Variants in CTNNA3 observed in about 807,000 individuals in gnomAD.
CTNNA3 encodes the protein catenin alpha 3.
A neutral mutation model predicts 95.7 loss-of-function variants in CTNNA3; 76 were observed. The ratio of observed to expected loss-of-function variants is 0.79; its 90% CI spans 0.66 to 0.96. CTNNA3 has a LOEUF of 0.96. Ranked by LOEUF, CTNNA3 falls within the 40% of genes least tolerant of loss-of-function variation. The pLI is 0.00. For missense variants in CTNNA3, 1,191 were observed against 1,089.8 expected, an observed-to-expected ratio of 1.09 and a Z score of -1.31; for synonymous variants, 431 against 374.4, an observed-to-expected ratio of 1.15 and a Z score of -1.74.
chr10:67,165,957 T>G (rs1861749767), intron 7 of CTNNA3, among the ~76,000 whole-genome samples: 1 of 152,182 alleles, frequency 6.6e-6, no homozygotes, highest in South Asian at 2.1e-4. Flanking sequence ...CAAACAAAAA[T>G]TATTTTTCTC....
At chr10:66,407,923 C>T (rs991925366) in intron 11 of CTNNA3, among the ~76,000 whole-genome samples, 1 of 152,122 alleles carries the variant, frequency 6.6e-6, no homozygotes, top group Non-Finnish European at 1.5e-5. Flanking sequence ...ATTTGCAGTT[C>T]TGTTCTAACG....
chr10:67,096,373 A>C (rs1857994550), intron 7 of CTNNA3, among the ~76,000 whole-genome samples: 1 of 151,856 alleles, frequency 6.6e-6, no homozygotes, highest in South Asian at 2.1e-4. Context: ...GATGCAGTTA[A>C]TAAAAAAATA....
chr10:66,749,202 CAAAAAAAAAAAAA>C (rs35568730), intron 9 of CTNNA3, among the ~76,000 whole-genome samples: 9 of 50,858 alleles, frequency 1.8e-4, no homozygotes, highest in South Asian at 1.1e-3. Context: ...AACTCCAACT[CAAAAAAAAAAAAA>C]AAAAAAAAAA....
intron 9 of CTNNA3, among the ~76,000 whole-genome samples, chr10:66,734,054 G>A (rs1346251683): frequency 5.9e-5 from 9 of 151,564 alleles, no homozygotes. Context: ...CTTATATCAA[G>A]ATGTTAACCA....
At chr10:66,656,379 T>C (rs1846073939) in intron 9 of CTNNA3, among the ~76,000 whole-genome samples, 1 of 152,124 alleles carries the variant, frequency 6.6e-6, no homozygotes. Context: ...ATGCAGAAGC[T>C]GCAATGAAGT....
At chr10:67,063,739 T>C (rs1855899314) in intron 7 of CTNNA3, among the ~76,000 whole-genome samples, 1 of 152,250 alleles carries the variant, frequency 6.6e-6, no homozygotes, top group African/African-American at 2.4e-5. Context: ...GTACTCTATA[T>C]AAACTCTTAC....
At chr10:67,274,427 A>G (rs1005106826) in intron 5 of CTNNA3, among the ~76,000 whole-genome samples, 2 of 152,190 alleles carry the variant, frequency 1.3e-5, no homozygotes, top group African/African-American at 4.8e-5. Flanking sequence ...CACGACCTCA[A>G]TAGCATAATC....
At chr10:67,135,368 A>G (rs1860243467) in intron 7 of CTNNA3, among the ~76,000 whole-genome samples, 1 of 152,144 alleles carries the variant, frequency 6.6e-6, no homozygotes, top group South Asian at 2.1e-4. Context: ...GACCAGATAT[A>G]TGCAGTAACA....
intron 6 of CTNNA3, among the ~76,000 whole-genome samples, chr10:67,194,765 G>A (rs1342528565): frequency 6.6e-6 from 1 of 151,858 alleles, no homozygotes; most frequent in Non-Finnish European, 1.5e-5. Flanking sequence ...ACATTTGGGG[G>A]ATATTGATAA....
chr10:67,337,364 T>C (rs149625410), intron 5 of CTNNA3, among the ~76,000 whole-genome samples: 4 of 152,314 alleles, frequency 2.6e-5, no homozygotes, highest in African/African-American at 9.6e-5. Flanking sequence ...GGGTAATTGC[T>C]GCAATCTCAT....
intron 17 of CTNNA3, among the ~76,000 whole-genome samples, chr10:65,936,215 T>A (rs974459741): frequency 5.2e-4 from 79 of 152,080 alleles, no homozygotes; most frequent in African/African-American, 1.9e-3. Flanking sequence ...TAAATGTTGA[T>A]TAGGATTCTT....
chr10:66,926,261 G>T (rs564563322), intron 7 of CTNNA3: 3 of 413,632 alleles, frequency 7.3e-6, no homozygotes, highest in Middle Eastern at 3.4e-4. Context: ...GTAGGATCCA[G>T]TTTTTTTTTT....
intron 7 of CTNNA3, among the ~76,000 whole-genome samples, chr10:66,846,368 T>C (rs1262075928): frequency 1.3e-5 from 2 of 151,986 alleles, no homozygotes; most frequent in African/African-American, 4.8e-5. Flanking sequence ...GCAAGATAAA[T>C]AAGTTTTGGA....
intron 7 of CTNNA3, among the ~76,000 whole-genome samples, chr10:66,977,293 G>T (rs1209551528): frequency 6.6e-6 from 1 of 152,056 alleles, no homozygotes; most frequent in Non-Finnish European, 1.5e-5. Flanking sequence ...AAAATTAGCT[G>T]GGTGTGGTGG....
At chr10:66,042,308 C>T (rs981637638) in intron 15 of CTNNA3, among the ~76,000 whole-genome samples, 1 of 152,140 alleles carries the variant, frequency 6.6e-6, no homozygotes, top group African/African-American at 2.4e-5. Flanking sequence ...GTGTCTATCT[C>T]TTCTAGATGG....
At chr10:66,871,099 C>T (rs1425256504) in intron 7 of CTNNA3, among the ~76,000 whole-genome samples, 3 of 152,092 alleles carry the variant, frequency 2.0e-5, no homozygotes, top group Non-Finnish European at 2.9e-5. Context: ...TGTTTGTTTG[C>T]TTGATTGCTT....
intron 10 of CTNNA3, among the ~76,000 whole-genome samples, chr10:66,543,140 G>GCAA (rs1228563296): frequency 6.6e-6 from 1 of 152,086 alleles, no homozygotes; most frequent in Non-Finnish European, 1.5e-5. Context: ...CCAGGCTAGA[G>GCAA]TTCAATGGCG....
intron 7 of CTNNA3, among the ~76,000 whole-genome samples, chr10:67,097,391 C>T (rs529555026): frequency 1.1e-4 from 16 of 151,902 alleles, no homozygotes; most frequent in African/African-American, 3.6e-4. Context: ...AGTTTCATCC[C>T]AGGATTTAAA....
At chr10:66,149,838 T>C (rs2084099167) in intron 13 of CTNNA3, among the ~76,000 whole-genome samples, 1 of 152,070 alleles carries the variant, frequency 6.6e-6, no homozygotes, top group African/African-American at 2.4e-5. Flanking sequence ...AACTATCTCA[T>C]TATTATAGCA....
Sources: allele counts gnomAD v4.1 joint callset (sites outside exome capture counted in the v4.1 genomes callset), GRCh38; gene constraint gnomAD v4.1.1; transcripts MANE v1.5; gene names NCBI Gene and HGNC (gene_info 2026-07-23, HGNC 2026-07-21).